LINGO2: variants seen among roughly 807,000 people sequenced by gnomAD.
The protein encoded by LINGO2 is leucine rich repeat and Ig domain containing 2.
In LINGO2, 14 loss-of-function variants were observed where a neutral mutation model predicts 30.6. That is an observed-to-expected ratio of 0.46 (90% CI 0.30 to 0.72). The LOEUF is 0.72. LINGO2 is among the 30% of genes least tolerant of loss of function. The pLI is 0.07. For missense variants in LINGO2, 729 were observed against 751.7 expected (o/e 0.97, Z 0.35); for synonymous variants, 317 against 288.5 (o/e 1.10, Z -1.00).
chr9:29,164,620 G>A, the LINGO2 span, among the ~76,000 whole-genome samples: 1 of 151,958 alleles, frequency 6.6e-6, no homozygotes, highest in Non-Finnish European at 1.5e-5. Flanking sequence ...ACGTAATTAC[G>A]CAGTGCAGAT....
chr9:28,174,323 T>C (rs1342378612), intron 4 of LINGO2, among the ~76,000 whole-genome samples: 2 of 152,226 alleles, frequency 1.3e-5, no homozygotes, highest in African/African-American at 4.8e-5. Flanking sequence ...AATCAAAGCA[T>C]ACTGGGTCAG....
chr9:28,364,967 G>A (rs758928620), intron 3 of LINGO2, among the ~76,000 whole-genome samples: 1 of 152,086 alleles, frequency 6.6e-6, no homozygotes, highest in Middle Eastern at 3.2e-3. Context: ...ATACCAAGAA[G>A]AATAGGATGC....
chr9:28,015,210 A>T (rs1822766943), intron 4 of LINGO2, among the ~76,000 whole-genome samples: 1 of 152,148 alleles, frequency 6.6e-6, no homozygotes, highest in African/African-American at 2.4e-5. Flanking sequence ...CTGGGATAAC[A>T]AGTTCCTCTT....
chr9:28,048,416 T>C (rs999245044), intron 4 of LINGO2, among the ~76,000 whole-genome samples: 3 of 150,844 alleles, frequency 2.0e-5, no homozygotes, highest in African/African-American at 2.4e-5. Flanking sequence ...TAAATATTAA[T>C]AAACAAATAC....
the LINGO2 span, among the ~76,000 whole-genome samples, chr9:29,071,353 G>C: frequency 4.0e-5 from 6 of 149,844 alleles, no homozygotes; most frequent in African/African-American, 1.5e-4. Context: ...CACCATGCCT[G>C]GCAAAAGTCA....
rs149032770 is a variant in LINGO2 at position 28,211,346 on chromosome 9, T to C, written c.-87+83862A>G. Among the ~76,000 whole-genome samples, 402 of 150,872 alleles carry C rather than the reference T, an allele frequency of 2.7e-3. 5 individuals carry two copies. Among genetic ancestry groups the C allele is most frequent in the African/African-American group, 9.2e-3 (380 of 41,240 alleles). On this transcript the variant is annotated intron_variant, in intron 4 of 5. Transcript: ENST00000379992. ...TTTCCCTGCCATTGAGTTATAAATA[T>C]AATCCCTCTCATCTCCAGAGAGCAC...
At chr9:29,195,316 T>C in the LINGO2 span, among the ~76,000 whole-genome samples, 28 of 151,842 alleles carry the variant, frequency 1.8e-4, no homozygotes, top group South Asian at 4.6e-3. Context: ...TTTGTTATCA[T>C]AAAGAAATCT....
chr9:28,545,047 A>G (rs1012460584), intron 1 of LINGO2, among the ~76,000 whole-genome samples: 4 of 151,968 alleles, frequency 2.6e-5, no homozygotes, highest in Admixed American at 1.3e-4. Context: ...TATTATTTGC[A>G]TTTGAGAATT....
chr9:28,386,766 G>C (rs1045040514), intron 2 of LINGO2, among the ~76,000 whole-genome samples: 1 of 152,076 alleles, frequency 6.6e-6, no homozygotes, highest in African/African-American at 2.4e-5. Flanking sequence ...CTTAGAATAA[G>C]TTATGAAGAT....
the LINGO2 span, among the ~76,000 whole-genome samples, chr9:28,931,844 T>A: frequency 2.6e-5 from 4 of 151,804 alleles, no homozygotes; most frequent in African/African-American, 9.7e-5. Context: ...GTGCGGTGGC[T>A]CATGCCTGTA....
intron 4 of LINGO2, among the ~76,000 whole-genome samples, chr9:28,263,012 A>G (rs1031202786): frequency 6.6e-6 from 1 of 152,040 alleles, no homozygotes; most frequent in Non-Finnish European, 1.5e-5. Flanking sequence ...CTAAGCATAT[A>G]GCCTAGCTGG....
chr9:28,057,197 T>G (rs767075441), intron 4 of LINGO2, among the ~76,000 whole-genome samples: 5 of 152,156 alleles, frequency 3.3e-5, no homozygotes, highest in Non-Finnish European at 7.4e-5. Flanking sequence ...CACTATTTTT[T>G]TCTGAGGTAT....
the LINGO2 span, among the ~76,000 whole-genome samples, chr9:29,126,070 G>C: frequency 1.3e-5 from 2 of 151,944 alleles, no homozygotes; most frequent in African/African-American, 4.8e-5. Context: ...CATTATTTTT[G>C]GAACTACTTT....
intron 1 of LINGO2, among the ~76,000 whole-genome samples, chr9:28,659,154 A>T (rs1828484043): frequency 1.3e-5 from 2 of 152,144 alleles, no homozygotes; most frequent in Non-Finnish European, 2.9e-5. Context: ...TATAGCACTG[A>T]CACTAACTTT....
intron 2 of LINGO2, among the ~76,000 whole-genome samples, chr9:28,381,217 AC>A (rs1821342603): frequency 6.6e-6 from 1 of 152,068 alleles, no homozygotes; most frequent in African/African-American, 2.4e-5. Context: ...AAACAAAAAA[AC>A]AAAAACAAAC....
the LINGO2 span, among the ~76,000 whole-genome samples, chr9:28,885,053 A>G: frequency 7.9e-6 from 1 of 126,770 alleles, no homozygotes; most frequent in Non-Finnish European, 1.7e-5. Context: ...ATGCATTTAG[A>G]AACCTCAAAA....
At position 28,226,021 on chromosome 9, in the gene LINGO2, A is replaced by G. The variant is rs116644839; in HGVS notation, c.-87+69187T>C. ...AGGAATGACTTCATGTTGTATCTAC[A>G]TAACACCAGAAGTTCCTCCAAAATT... On this transcript the variant is annotated intron_variant, in intron 4 of 5. Transcript: ENST00000379992. 2.9e-3 allele frequency among the ~76,000 whole-genome samples: 441 copies of G among 152,296 alleles called. 3 individuals carry two copies. The highest frequency in any genetic ancestry group is 0.01 in the African/African-American group (423 of 41,570).
chr9:29,198,707 G>A, the LINGO2 span, among the ~76,000 whole-genome samples: 81 of 152,222 alleles, frequency 5.3e-4, no homozygotes, highest in Admixed American at 5.0e-3. Context: ...CCTGGGAGAG[G>A]CAAGATTCTG....
intron 5 of LINGO2, among the ~76,000 whole-genome samples, chr9:28,005,946 TTC>T (rs1346755185): frequency 1.3e-5 from 2 of 152,258 alleles, no homozygotes; most frequent in African/African-American, 4.8e-5. Flanking sequence ...GCACTGCACT[TTC>T]TGTCTATCTT....
Sources: gnomAD v4.1 joint callset for allele counts (sites outside exome capture counted in the v4.1 genomes callset) on GRCh38, gnomAD v4.1.1 for gene constraint, MANE v1.5 for transcripts, NCBI Gene and HGNC (gene_info 2026-07-23, HGNC 2026-07-21) for gene names.